SAMSN1: variants seen among roughly 807,000 people sequenced by gnomAD.
The protein encoded by SAMSN1 is SAM domain-containing protein SAMSN-1.
Under a neutral mutation model 42.0 loss-of-function variants are expected in SAMSN1, and 31 were observed. The observed-to-expected ratio is 0.74, with a 90% CI of 0.55 to 1.00. The LOEUF is 1.00. SAMSN1 is among the 50% of genes least tolerant of loss of function. The pLI is 0.00. For synonymous variants in SAMSN1, 178 were observed against 151.9 expected, an observed-to-expected ratio of 1.17 and a Z score of -1.26; for missense variants, 464 against 439.4, an observed-to-expected ratio of 1.06 and a Z score of -0.50.
intron 5 of SAMSN1, among the ~76,000 whole-genome samples, chr21:14,509,727 T>C (rs777271589): frequency 2.6e-5 from 4 of 152,118 alleles, no homozygotes; most frequent in African/African-American, 4.8e-5. Context: ...TTCAGGAAAA[T>C]GGAGAGAATT....
rs556931860 is a variant in SAMSN1 at position 14,639,419 on chromosome 21, G to A, written c.156+3583C>T. 7.9e-5 allele frequency among the ~76,000 whole-genome samples: 12 copies of A among 152,202 alleles called. No homozygotes were observed. In the South Asian group the frequency reaches 2.5e-3, roughly 32 times the overall value. ...GGCAAAACAAAGAAAACAAGAGAGG[G>A]CCAAACTTGGCTTTTATAACAAACC... On this transcript the variant is annotated intron_variant, in intron 2 of 15. Transcript: ENST00000647101.
intron 2 of SAMSN1, among the ~76,000 whole-genome samples, chr21:14,566,248 C>T (rs1981111425): frequency 6.6e-6 from 1 of 152,070 alleles, no homozygotes; most frequent in African/African-American, 2.4e-5. Context: ...TAAGGATATC[C>T]AAGTGTTGCA....
intron 2 of SAMSN1, among the ~76,000 whole-genome samples, chr21:14,569,131 A>C (rs114407052): frequency 1.9e-5 from 2 of 103,498 alleles, no homozygotes; most frequent in Non-Finnish European, 3.9e-5. Context: ...TTTCTATTTA[A>C]AAAAAAAAAT....
chr21:14,554,944 G>A (rs1298001149), intron 2 of SAMSN1, among the ~76,000 whole-genome samples: 1 of 151,906 alleles, frequency 6.6e-6, no homozygotes, highest in African/African-American at 2.4e-5. Context: ...AAATTCTCCT[G>A]CTTGGCCTCC....
At chr21:14,497,298 T>G (rs1330237188) in intron 7 of SAMSN1, among the ~76,000 whole-genome samples, 2 of 152,192 alleles carry the variant, frequency 1.3e-5, no homozygotes, top group Admixed American at 6.5e-5. Flanking sequence ...TAATAATTAC[T>G]AGTATTATTT....
At chr21:14,521,054 C>G (rs1432977949) in intron 2 of SAMSN1, 96 bp downstream of exon 2, 4 of 751,920 alleles carry the variant, frequency 5.3e-6, no homozygotes, top group Non-Finnish European at 6.6e-6. Context: ...AAAATGTATT[C>G]ATTTTTCTTA....
At chr21:14,554,935 A>G (rs1980711676) in intron 2 of SAMSN1, among the ~76,000 whole-genome samples, 1 of 151,946 alleles carries the variant, frequency 6.6e-6, no homozygotes, top group Admixed American at 6.6e-5. Flanking sequence ...GGACTCAAGA[A>G]ATTCTCCTGC....
At chr21:14,608,885 G>A (rs1353899425) in intron 5 of SAMSN1, among the ~76,000 whole-genome samples, 3 of 152,026 alleles carry the variant, frequency 2.0e-5, no homozygotes, top group Non-Finnish European at 4.4e-5. Flanking sequence ...ATCAACTTTT[G>A]ATACGGTTTT....
intron 3 of SAMSN1, among the ~76,000 whole-genome samples, chr21:14,615,543 T>G (rs1245932232): frequency 2.0e-5 from 3 of 152,266 alleles, no homozygotes; most frequent in South Asian, 2.1e-4. Flanking sequence ...TTATGCAACA[T>G]GTGTATGTCA....
intron 2 of SAMSN1, among the ~76,000 whole-genome samples, chr21:14,628,387 C>T (rs1433612555): frequency 2.0e-5 from 3 of 151,732 alleles, no homozygotes; most frequent in Non-Finnish European, 4.4e-5. Context: ...GTATACTCCC[C>T]AAATATGTAC....
chr21:14,539,913 C>CAAA (rs1979895937), intron 1 of SAMSN1, among the ~76,000 whole-genome samples: 1 of 152,100 alleles, frequency 6.6e-6, no homozygotes, highest in Admixed American at 6.6e-5. Context: ...ACTACAGTAA[C>CAAA]AAAACAGCAT....
At chr21:14,521,264 T>G in intron 1 of SAMSN1, 43 bp from the exon 2 acceptor site, 5 of 1,377,398 alleles carry the variant, frequency 3.6e-6, no homozygotes, top group Middle Eastern at 3.6e-4. Context: ...TTAGAATTTA[T>G]TTTCACTGTC....
At chr21:14,613,492 G>C (rs1367114636) in intron 3 of SAMSN1, among the ~76,000 whole-genome samples, 1 of 152,132 alleles carries the variant, frequency 6.6e-6, no homozygotes, top group Non-Finnish European at 1.5e-5. Context: ...CATTGTTATA[G>C]CTTAAGTGTT....
At chr21:14,563,877 T>C (rs1365381965) in intron 2 of SAMSN1, among the ~76,000 whole-genome samples, 1 of 152,162 alleles carries the variant, frequency 6.6e-6, no homozygotes, top group East Asian at 1.9e-4. Flanking sequence ...AGTGGTAGAA[T>C]AACCTAAGTA....
intron 2 of SAMSN1, among the ~76,000 whole-genome samples, chr21:14,641,937 T>C (rs866981793): frequency 6.6e-6 from 1 of 152,196 alleles, no homozygotes; most frequent in Non-Finnish European, 1.5e-5. Flanking sequence ...ACATAAATAG[T>C]CAATCGATAC....
At chr21:14,605,807 G>GTTT (rs1982548106) in intron 5 of SAMSN1, among the ~76,000 whole-genome samples, 11 of 144,056 alleles carry the variant, frequency 7.6e-5, no homozygotes, top group South Asian at 2.2e-4. Context: ...ATGTAAAGAA[G>GTTT]ATTTATTTAT....
chr21:14,620,887 A>G (rs1982984082), intron 2 of SAMSN1, among the ~76,000 whole-genome samples: 1 of 152,228 alleles, frequency 6.6e-6, no homozygotes, highest in Non-Finnish European at 1.5e-5. Flanking sequence ...ACACATATAA[A>G]TTCCTATTAA....
Position 14,485,899 on chromosome 21 carries a change from T to C in SAMSN1, c.*13A>G. The stretch of plus-strand genomic sequence containing the variant: ...TGGAATGCATCTGTAGATATATAGT[T>C]GGGAATGCGTGTTCAGTCACTTGGC... On this transcript the variant is annotated 3_prime_UTR_variant, in exon 8 of 8. Coordinates refer to ENST00000400566, the MANE Select transcript of SAMSN1 (RefSeq NM_022136.5). 6.2e-7 allele frequency: 1 copy of C among 1,606,016 alleles called. No homozygotes were observed. The highest frequency in any genetic ancestry group is 8.5e-7 in the Non-Finnish European group (1 of 1,173,174).
At chr21:14,532,434 G>T (rs1355161930) in intron 1 of SAMSN1, among the ~76,000 whole-genome samples, 1 of 152,140 alleles carries the variant, frequency 6.6e-6, no homozygotes, top group Non-Finnish European at 1.5e-5. Context: ...AAAACAGTAA[G>T]TTCATGTTAG....
Sources: allele counts gnomAD v4.1 joint callset (sites outside exome capture counted in the v4.1 genomes callset), GRCh38; gene constraint gnomAD v4.1.1; transcripts MANE v1.5; gene names NCBI Gene and HGNC (gene_info 2026-07-23, HGNC 2026-07-21).